The following CPEB3 variants were observed in gnomAD, a reference collection of about 807,000 sequenced individuals.
CPEB3 encodes cytoplasmic polyadenylation element-binding protein 3.
A neutral mutation model predicts 67.2 loss-of-function variants in CPEB3; 20 were observed. The observed-to-expected ratio is 0.30, with a 90% CI of 0.21 to 0.43. CPEB3 has a LOEUF of 0.43. Ranked by LOEUF, CPEB3 falls within the 20% of genes least tolerant of loss-of-function variation. The pLI is 1.00. For missense variants in CPEB3, 746 were observed against 968.6 expected, an observed-to-expected ratio of 0.77 and a Z score of 3.05; for synonymous variants, 376 against 393.1, an observed-to-expected ratio of 0.96 and a Z score of 0.51.
chr10:92,083,629 C>A (rs551274672), intron 8 of CPEB3, among the ~76,000 whole-genome samples: 1 of 152,104 alleles, frequency 6.6e-6, no homozygotes, highest in African/African-American at 2.4e-5. Context: ...AACCTCAGGA[C>A]CCTGTAAATT....
chr10:92,052,489 T>C (rs1590034159), intron 9 of CPEB3, 50 bp from the exon 10 acceptor site: 1 of 1,524,736 alleles, frequency 6.6e-7, no homozygotes. Flanking sequence ...AAAGCTTCCT[T>C]ACATGTCTTG....
chr10:92,168,759 T>C (rs1298404847), intron 4 of CPEB3, among the ~76,000 whole-genome samples: 1 of 151,520 alleles, frequency 6.6e-6, no homozygotes, highest in Non-Finnish European at 1.5e-5. Flanking sequence ...TCCTCAGCCA[T>C]GCAGAGCTGT....
chr10:92,152,496 C>T (rs1170452721), intron 4 of CPEB3, among the ~76,000 whole-genome samples: 3 of 152,176 alleles, frequency 2.0e-5, no homozygotes, highest in Non-Finnish European at 4.4e-5. Flanking sequence ...AATGCAGTTC[C>T]TTCCACCTTC....
At chr10:92,114,178 A>C (rs1417704224) in intron 6 of CPEB3, among the ~76,000 whole-genome samples, 1 of 152,142 alleles carries the variant, frequency 6.6e-6, no homozygotes, top group Non-Finnish European at 1.5e-5. Context: ...TCCAACCAAA[A>C]CAGAATTCAC....
chr10:92,225,746 G>T (rs958228690), intron 2 of CPEB3, among the ~76,000 whole-genome samples: 1 of 152,056 alleles, frequency 6.6e-6, no homozygotes, highest in Admixed American at 6.6e-5. Context: ...ACACAAAAAA[G>T]AAATAATTAA....
At chr10:92,081,894 T>C (rs1208563576) in intron 8 of CPEB3, among the ~76,000 whole-genome samples, 1 of 152,186 alleles carries the variant, frequency 6.6e-6, no homozygotes, top group Non-Finnish European at 1.5e-5. Flanking sequence ...CTTACTAACC[T>C]CTAAGACTAA....
rs1237062066 is a variant in CPEB3 at position 92,240,235 on chromosome 10, G to A, written c.116C>T (p.Pro39Leu). ...ESSVSEAPST[P>L]LSSETPKPEE... ...CGGCTTGGGGGTCTCTGAGGAGAGG[G>A]GCGTGGACGGGGCTTCGGATACGCT... The change falls in exon 2 of 10, where the codon CCC becomes CTC. Residue 39 changes from proline (P) to leucine (L), a missense_variant. Around this residue, in one of 2 missense-constraint regions of CPEB3, gnomAD observed 643 missense variants for 717.5 expected, o/e 0.90. Coordinates refer to ENST00000265997, the MANE Select transcript of CPEB3 (RefSeq NM_014912.5). 1.3e-6 allele frequency: 2 copies of A among 1,508,762 alleles called. No homozygotes were observed. The highest frequency in any genetic ancestry group is 1.8e-6 in the Non-Finnish European group (2 of 1,127,000). 93.5% of individuals were successfully genotyped at this position (1,508,762 alleles called of 1,614,324 possible). A position where few individuals can be genotyped will look rare whatever the true frequency, so the allele number is the denominator to read the frequency against.
At chr10:92,187,310 A>C (rs1848738636) in intron 3 of CPEB3, among the ~76,000 whole-genome samples, 2 of 152,228 alleles carry the variant, frequency 1.3e-5, no homozygotes, top group African/African-American at 4.8e-5. Flanking sequence ...GCTTTCAATA[A>C]CAGTTCTCAA....
chr10:92,080,470 C>A (rs1843103415), intron 9 of CPEB3, among the ~76,000 whole-genome samples: 1 of 152,106 alleles, frequency 6.6e-6, no homozygotes, highest in South Asian at 2.1e-4. Flanking sequence ...CACCAATGAA[C>A]AGTGTGGCAG....
At chr10:92,275,367 A>G (rs1841931750) in intron 1 of CPEB3, among the ~76,000 whole-genome samples, 1 of 152,216 alleles carries the variant, frequency 6.6e-6, no homozygotes, top group Non-Finnish European at 1.5e-5. Context: ...GAAACAAAAA[A>G]TCCTAAATGA....
intron 9 of CPEB3, among the ~76,000 whole-genome samples, chr10:92,080,493 C>CAT (rs1232014254): frequency 6.6e-6 from 1 of 152,040 alleles, no homozygotes; most frequent in Non-Finnish European, 1.5e-5. Flanking sequence ...AAGGCATGTG[C>CAT]ATATATGGTG....
chr10:92,056,469 T>C (rs981089791), intron 9 of CPEB3, among the ~76,000 whole-genome samples: 32 of 152,216 alleles, frequency 2.1e-4, no homozygotes, highest in African/African-American at 7.7e-4. Context: ...TACCTGGTTT[T>C]ATCTTCATAT....
rs1440170639 is a variant in CPEB3, at chr10:92,070,832, G to A, written c.1869+10488C>T. On this transcript the variant is annotated intron_variant, in intron 9 of 9. Coordinates refer to ENST00000265997, the MANE Select transcript of CPEB3 (RefSeq NM_014912.5). ...ATAAAAATAAAAAACTCATATATAA[G>A]CTTCAAGTCAGTGACAGGTTTAAAA... is the stretch of plus-strand genomic sequence containing the variant. 2.8e-5 allele frequency among the ~76,000 whole-genome samples: 4 copies of A among 141,646 alleles called. No homozygotes were observed. In the South Asian group the frequency reaches 9.3e-4, roughly 33 times the overall value. The allele number at this position is 141,646 out of a possible 152,430, so 92.9% of individuals were successfully genotyped here. A position where few individuals can be genotyped will look rare whatever the true frequency, so the allele number is the denominator to read the frequency against.
At position 92,229,206 on chromosome 10, in the gene CPEB3, A is replaced by C. The variant is rs886126147; in HGVS notation, c.1005+10140T>G. Reference sequence around the variant, plus strand: ...GCCCAGCTAATTTTAAAAAATTTTTAATTTTTTTATAGAGACAGGGTCTCA... The same window carrying C: ...GCCCAGCTAATTTTAAAAAATTTTTCATTTTTTTATAGAGACAGGGTCTCA... On this transcript the variant is annotated intron_variant, in intron 2 of 9. Coordinates refer to ENST00000265997, the MANE Select transcript of CPEB3 (RefSeq NM_014912.5). Among the ~76,000 whole-genome samples, 17 of 151,154 alleles carry C rather than the reference A, an allele frequency of 1.1e-4. 1 individual carries two copies. Among genetic ancestry groups the C allele is most frequent in the Admixed American group, 3.3e-4 (5 of 15,134 alleles).
intron 4 of CPEB3, among the ~76,000 whole-genome samples, chr10:92,177,432 T>C (rs1282312272): frequency 6.6e-6 from 1 of 152,206 alleles, no homozygotes; most frequent in Non-Finnish European, 1.5e-5. Flanking sequence ...GAGGACCTAA[T>C]ATTTTGAGAA....
chr10:92,280,764 T>TC (rs1265919692), intron 1 of CPEB3, among the ~76,000 whole-genome samples: 23 of 143,808 alleles, frequency 1.6e-4, no homozygotes, highest in African/African-American at 5.9e-4. Flanking sequence ...TTTTTTTTTT[T>TC]TTTTTTTTTT....
intron 2 of CPEB3, among the ~76,000 whole-genome samples, chr10:92,199,679 C>CAAA (rs59100106): frequency 9.8e-5 from 7 of 71,066 alleles, no homozygotes; most frequent in Admixed American, 1.8e-4. Context: ...GACTCCATCT[C>CAAA]AAAAAAAAAA....
intron 1 of CPEB3, among the ~76,000 whole-genome samples, chr10:92,283,288 C>T (rs1842377651): frequency 6.6e-6 from 1 of 152,052 alleles, no homozygotes; most frequent in South Asian, 2.1e-4. Context: ...ATCACCCTCA[C>T]CTTTACTGAA....
intron 1 of CPEB3, among the ~76,000 whole-genome samples, chr10:92,269,146 T>C (rs2134974432): frequency 6.6e-6 from 1 of 152,016 alleles, no homozygotes; most frequent in Admixed American, 6.5e-5. Flanking sequence ...AAGACAGTTT[T>C]CCATATCCTA....
Sources: allele counts gnomAD v4.1 joint callset (sites outside exome capture counted in the v4.1 genomes callset), GRCh38; gene constraint gnomAD v4.1.1; regional missense constraint gnomAD v4.1.1; transcripts MANE v1.5; gene names NCBI Gene and HGNC (gene_info 2026-07-23, HGNC 2026-07-21).